Variants in CHN1 observed in about 807,000 individuals in gnomAD.
CHN1 encodes chimerin 1.
In CHN1, 37 loss-of-function variants were observed where a neutral mutation model predicts 59.5. That is an observed-to-expected ratio of 0.62 (90% CI 0.48 to 0.82). The LOEUF is 0.82. CHN1 is among the 40% of genes least tolerant of loss of function. The pLI is 0.00. For synonymous variants in CHN1, 206 were observed against 200.4 expected, an observed-to-expected ratio of 1.03 and a Z score of -0.24; for missense variants, 469 against 571.0, an observed-to-expected ratio of 0.82 and a Z score of 1.82.
chr2:174,873,860 T>C (rs961786303), intron 6 of CHN1, among the ~76,000 whole-genome samples: 22 of 152,042 alleles, frequency 1.4e-4, no homozygotes, highest in Admixed American at 7.9e-4. Context: ...AGAAAAAAAA[T>C]ACACACACAG....
intron 1 of CHN1, among the ~76,000 whole-genome samples, chr2:174,957,901 T>C (rs1208913108): frequency 2.0e-5 from 3 of 152,156 alleles, no homozygotes; most frequent in Non-Finnish European, 4.4e-5. Flanking sequence ...AGGAACCACA[T>C]GGACAGTCAA....
At chr2:174,873,955 C>T (rs1687484187) in intron 6 of CHN1, among the ~76,000 whole-genome samples, 1 of 152,162 alleles carries the variant, frequency 6.6e-6, no homozygotes, top group Admixed American at 6.5e-5. Context: ...GGCATCCTTA[C>T]ATGTGGGACA....
chr2:174,812,168 T>C (rs1453199991), intron 9 of CHN1, 141 bp downstream of exon 9: 3 of 570,940 alleles, frequency 5.3e-6, no homozygotes, highest in Non-Finnish European at 8.6e-6. Flanking sequence ...ATTTCAGTCT[T>C]TGAGATCATT....
At chr2:174,894,598 T>A (rs1688154151) in intron 5 of CHN1, among the ~76,000 whole-genome samples, 2 of 151,966 alleles carry the variant, frequency 1.3e-5, no homozygotes, top group Admixed American at 1.3e-4. Flanking sequence ...ACTATTATTA[T>A]GACCCAGCAA....
intron 6 of CHN1, among the ~76,000 whole-genome samples, chr2:174,855,336 T>C (rs1028081583): frequency 3.3e-5 from 5 of 152,082 alleles, no homozygotes; most frequent in South Asian, 2.1e-4. Flanking sequence ...ACCCTTACGA[T>C]TGGGAAGGTG....
intron 1 of CHN1, among the ~76,000 whole-genome samples, chr2:174,976,391 C>T (rs1690941917): frequency 6.6e-6 from 1 of 152,060 alleles, no homozygotes; most frequent in East Asian, 2.0e-4. Flanking sequence ...ACGCCCACCA[C>T]CATGCCGGGC....
chr2:174,854,150 T>C (rs1558953564), intron 6 of CHN1, among the ~76,000 whole-genome samples: 1 of 152,170 alleles, frequency 6.6e-6, no homozygotes, highest in African/African-American at 2.4e-5. Flanking sequence ...CATTTTACAA[T>C]AAAGTGTTTA....
At chr2:174,950,204 C>T (rs182333585) in intron 2 of CHN1, among the ~76,000 whole-genome samples, 7 of 150,992 alleles carry the variant, frequency 4.6e-5, no homozygotes, top group Non-Finnish European at 8.8e-5. Flanking sequence ...GCCAAGATTG[C>T]GCCACTGCAC....
chr2:174,949,930 G>A (rs1465448811), intron 2 of CHN1, among the ~76,000 whole-genome samples: 3 of 152,058 alleles, frequency 2.0e-5, no homozygotes. Flanking sequence ...GTCATTAAGA[G>A]AAATGATAAA....
intron 10 of CHN1, among the ~76,000 whole-genome samples, chr2:174,810,223 A>T (rs2105381165): frequency 6.6e-6 from 1 of 152,348 alleles, no homozygotes; most frequent in South Asian, 2.1e-4. Flanking sequence ...TAATGATCCG[A>T]GTCACTGGTT....
intron 7 of CHN1, among the ~76,000 whole-genome samples, chr2:174,831,999 C>A (rs2105412433): frequency 6.6e-6 from 1 of 152,256 alleles, no homozygotes; most frequent in East Asian, 1.9e-4. Flanking sequence ...TAACTGAACA[C>A]TGACATACGG....
At chr2:174,812,824 T>C (rs1685122030) in intron 8 of CHN1, among the ~76,000 whole-genome samples, 1 of 152,236 alleles carries the variant, frequency 6.6e-6, no homozygotes, top group African/African-American at 2.4e-5. Context: ...TAAAGTTACA[T>C]AAAATGTTTA....
At chr2:174,931,530 T>C (rs1401551516) in intron 3 of CHN1, among the ~76,000 whole-genome samples, 2 of 152,210 alleles carry the variant, frequency 1.3e-5, no homozygotes, top group Non-Finnish European at 2.9e-5. Flanking sequence ...CTACTAAGTG[T>C]CAAGCACTGT....
At chr2:174,846,425 G>A in intron 7 of CHN1, 2 of 1,536,454 alleles carry the variant, frequency 1.3e-6, no homozygotes, top group Non-Finnish European at 1.8e-6. Context: ...TAACAGGGGA[G>A]AAAAGACAGA....
At chr2:174,864,613 G>A (rs947785121) in intron 6 of CHN1, among the ~76,000 whole-genome samples, 2 of 152,050 alleles carry the variant, frequency 1.3e-5, no homozygotes, top group Non-Finnish European at 2.9e-5. Flanking sequence ...GCTCATGCTT[G>A]TAATCCCAGC....
chr2:174,989,107 G>A (rs1385154114), intron 1 of CHN1, among the ~76,000 whole-genome samples: 1 of 152,158 alleles, frequency 6.6e-6, no homozygotes, highest in Non-Finnish European at 1.5e-5. Flanking sequence ...GCCAGGCATG[G>A]TGGCTCACAC....
intron 1 of CHN1, among the ~76,000 whole-genome samples, chr2:174,984,527 C>G (rs1056811435): frequency 6.6e-6 from 1 of 152,002 alleles, no homozygotes; most frequent in Non-Finnish European, 1.5e-5. Context: ...TACCACCACA[C>G]CCAGCTAATT....
At chr2:174,846,781 C>CAAGT in intron 7 of CHN1, 99 bp downstream of exon 7, 1 of 1,185,504 alleles carries the variant, frequency 8.4e-7, no homozygotes, top group Non-Finnish European at 1.1e-6. Flanking sequence ...ACATTTTAGT[C>CAAGT]AAGTCATCCT....
chr2:174,879,908 G>T lies in CHN1; in HGVS notation c.261-1780C>A, dbSNP rs569204332. Among the ~76,000 whole-genome samples the T allele has an allele frequency of 3.3e-5, 5 of 152,240 alleles. No individual in the cohort carries two copies. The South Asian group carries it at 1.0e-3, about 32-fold the overall frequency. Reference sequence around the variant, plus strand: ...GCCTTTTGAAATCTGAGAAGTATGGGGGGCACAGGGCATGAAGGGAAGATG... The same window carrying T: ...GCCTTTTGAAATCTGAGAAGTATGGTGGGCACAGGGCATGAAGGGAAGATG... On this transcript the variant is annotated intron_variant, in intron 5 of 12. Coordinates refer to ENST00000409900, the MANE Select transcript of CHN1 (RefSeq NM_001822.7).
Sources: allele counts gnomAD v4.1 joint callset (sites outside exome capture counted in the v4.1 genomes callset), GRCh38; gene constraint gnomAD v4.1.1; transcripts MANE v1.5; gene names NCBI Gene and HGNC (gene_info 2026-07-23, HGNC 2026-07-21).